Variants in STK32A observed in about 807,000 individuals in gnomAD.
STK32A encodes serine/threonine kinase 32A.
In STK32A, 41 loss-of-function variants were observed where a neutral mutation model predicts 53.2. That is an observed-to-expected ratio of 0.77 (90% CI 0.60 to 1.00). The LOEUF (loss-of-function observed/expected upper bound fraction) is 1.00. Among genes scored for constraint, STK32A ranks in the 50% least tolerant of loss-of-function variants. The pLI is 0.00. For synonymous variants in STK32A, 166 were observed against 162.8 expected, an observed-to-expected ratio of 1.02 and a Z score of -0.15; for missense variants, 458 against 485.8, an observed-to-expected ratio of 0.94 and a Z score of 0.54.
At chr5:147,300,676 A>T (rs1753087971) in intron 4 of STK32A, among the ~76,000 whole-genome samples, 1 of 152,166 alleles carries the variant, frequency 6.6e-6, no homozygotes, top group Admixed American at 6.5e-5. Context: ...TCATATAATC[A>T]TATGCACTTC....
intron 4 of STK32A, among the ~76,000 whole-genome samples, chr5:147,313,293 C>T (rs1047404001): frequency 1.3e-5 from 2 of 152,078 alleles, no homozygotes; most frequent in African/African-American, 2.4e-5. Context: ...GAGTTTTTCA[C>T]TGTTGCACTA....
chr5:147,352,821 C>G (rs533394535), intron 7 of STK32A, among the ~76,000 whole-genome samples: 11 of 152,174 alleles, frequency 7.2e-5, no homozygotes, highest in African/African-American at 2.6e-4. Context: ...GACAGGTATG[C>G]AGTGAATGTG....
chr5:147,363,544 T>C (rs1287248183), intron 8 of STK32A, among the ~76,000 whole-genome samples: 1 of 152,198 alleles, frequency 6.6e-6, no homozygotes, highest in Non-Finnish European at 1.5e-5. Context: ...GCCCTGATGA[T>C]CTGTGAATCG....
chr5:147,355,664 C>A (rs1476676917), intron 7 of STK32A, among the ~76,000 whole-genome samples: 1 of 150,948 alleles, frequency 6.6e-6, no homozygotes, highest in African/African-American at 2.4e-5. Flanking sequence ...GGCGACAGAG[C>A]GAGATTCCGT....
At chr5:147,241,250 G>T (rs574172161) in intron 2 of STK32A, among the ~76,000 whole-genome samples, 1 of 152,124 alleles carries the variant, frequency 6.6e-6, no homozygotes, top group Non-Finnish European at 1.5e-5. Flanking sequence ...AGGCCGAGGC[G>T]GGCGGATCAC....
At position 147,299,456 on chromosome 5, in the gene STK32A, C is replaced by T. The variant is rs540089292; in HGVS notation, c.260+20058C>T. 2.0e-5 allele frequency among the ~76,000 whole-genome samples: 3 copies of T among 152,248 alleles called. No homozygotes were observed. In the South Asian group the frequency reaches 6.2e-4, roughly 32 times the overall value. On this transcript the variant is annotated intron_variant, in intron 4 of 12. Coordinates refer to ENST00000397936, the MANE Select transcript of STK32A (RefSeq NM_001112724.2). ...GCCTTAACTGTCTGGAAATGCAGCT[C>T]AGTAGGTTTCAGCCTCATTTTACCC...
rs540698194 is a variant in STK32A at position 147,247,857 on chromosome 5, C to T, written c.52+8171C>T. 5.9e-5 allele frequency among the ~76,000 whole-genome samples: 9 copies of T among 152,232 alleles called. No homozygotes were observed. In the East Asian group the frequency reaches 1.5e-3, roughly 26 times the overall value. ...TAAAAATTGGCCGGGCATGGTGGCT[C>T]ATGCCTGTAATCCCAGCACTTTGGG... is the stretch of plus-strand genomic sequence containing the variant. On this transcript the variant is annotated intron_variant, in intron 2 of 12. Transcript: ENST00000397936.
In STK32A at chr5:147,384,305, C is replaced by A. The variant is rs908825542; in HGVS notation, c.*322C>A. 6.4e-6 allele frequency: 9 copies of A among 1,395,728 alleles called. No individual in the cohort carries two copies. The highest frequency in any genetic ancestry group is 6.0e-5 in the South Asian group (4 of 66,382). 86.5% of individuals were successfully genotyped at this position (1,395,728 alleles called of 1,614,324 possible). Reference sequence around the variant, plus strand: ...TAGTGCTATAGTTGTTATTCTAAACCGCCTTTATTTTTATTTTAAAATTAA... The same window carrying A: ...TAGTGCTATAGTTGTTATTCTAAACAGCCTTTATTTTTATTTTAAAATTAA... On this transcript the variant is annotated 3_prime_UTR_variant, in exon 13 of 13. Coordinates refer to ENST00000397936, the MANE Select transcript of STK32A (RefSeq NM_001112724.2).
rs530216320 is a variant in STK32A, at chr5:147,296,158, C to T, written c.260+16760C>T. Reference sequence around the variant, plus strand: ...GCAGTGAATCTGTATGTGTCTGCAGCAACTTCAATTCTTGCCTACTCTCAA... The same window carrying T: ...GCAGTGAATCTGTATGTGTCTGCAGTAACTTCAATTCTTGCCTACTCTCAA... On this transcript the variant is annotated intron_variant, in intron 4 of 12. Transcript: ENST00000397936. Among the ~76,000 whole-genome samples the T allele has an allele frequency of 2.6e-5, 4 of 152,312 alleles. No homozygotes were observed. The South Asian group carries it at 6.2e-4, about 24-fold the overall frequency.
At chr5:147,279,989 C>G (rs926018708) in intron 4 of STK32A, among the ~76,000 whole-genome samples, 1 of 152,124 alleles carries the variant, frequency 6.6e-6, no homozygotes, top group Non-Finnish European at 1.5e-5. Flanking sequence ...CAAACACACA[C>G]CCCCACTGGA....
chr5:147,328,154 A>G (rs1455239600), intron 5 of STK32A, among the ~76,000 whole-genome samples: 1 of 152,236 alleles, frequency 6.6e-6, no homozygotes, highest in Non-Finnish European at 1.5e-5. Context: ...TTAACAGCCA[A>G]AGCACACAGC....
At chr5:147,321,433 A>T (rs955818395) in intron 4 of STK32A, among the ~76,000 whole-genome samples, 1 of 152,228 alleles carries the variant, frequency 6.6e-6, no homozygotes, top group Non-Finnish European at 1.5e-5. Flanking sequence ...GATGTGCCAA[A>T]GGAGAAAGAT....
At position 147,367,252 on chromosome 5, in the gene STK32A, G is replaced by T. The variant is rs1756795987; in HGVS notation, c.661-3402G>T. 9.2e-5 allele frequency among the ~76,000 whole-genome samples: 14 copies of T among 152,120 alleles called. No individual in the cohort carries two copies. The South Asian group carries it at 2.9e-3, about 32-fold the overall frequency. On this transcript the variant is annotated intron_variant, in intron 8 of 12. Coordinates refer to ENST00000397936, the MANE Select transcript of STK32A (RefSeq NM_001112724.2). ...GGAAATTTTTTGTATTTTTTGTAGA[G>T]TTGGGGTCTTACCATGTTGCCCAGG...
chr5:147,254,778 A>G (rs958296432), intron 2 of STK32A, among the ~76,000 whole-genome samples: 2 of 152,266 alleles, frequency 1.3e-5, no homozygotes, highest in South Asian at 2.1e-4. Flanking sequence ...GTTAGGGTGG[A>G]GCAGGTGATC....
chr5:147,264,279 A>T (rs1234219855), intron 2 of STK32A, among the ~76,000 whole-genome samples: 1 of 152,196 alleles, frequency 6.6e-6, no homozygotes, highest in African/African-American at 2.4e-5. Flanking sequence ...CCCCAGGGTG[A>T]TGGTGAAGGG....
intron 11 of STK32A, among the ~76,000 whole-genome samples, chr5:147,380,996 C>T (rs998489223): frequency 6.6e-6 from 1 of 151,992 alleles, no homozygotes; most frequent in Admixed American, 6.6e-5. Flanking sequence ...TTACACGTAC[C>T]GAGAGCTTTA....
intron 2 of STK32A, among the ~76,000 whole-genome samples, chr5:147,259,370 TC>T (rs1754390759): frequency 6.6e-6 from 1 of 152,158 alleles, no homozygotes; most frequent in African/African-American, 2.4e-5. Context: ...ATTCGGGCCA[TC>T]CGCGGGTTAC....
intron 5 of STK32A, among the ~76,000 whole-genome samples, chr5:147,336,621 G>A (rs946354881): frequency 8.5e-5 from 13 of 152,108 alleles, no homozygotes; most frequent in African/African-American, 2.9e-4. Context: ...GAGTGACTGG[G>A]ATTACAACCA....
intron 8 of STK32A, among the ~76,000 whole-genome samples, chr5:147,369,112 T>C (rs1047098467): frequency 6.6e-6 from 1 of 152,138 alleles, no homozygotes; most frequent in African/African-American, 2.4e-5. Flanking sequence ...TTTACTGATA[T>C]TGAGTTAATG....
Sources: gnomAD v4.1 joint callset for allele counts (sites outside exome capture counted in the v4.1 genomes callset) on GRCh38, gnomAD v4.1.1 for gene constraint, MANE v1.5 for transcripts, NCBI Gene and HGNC (gene_info 2026-07-23, HGNC 2026-07-21) for gene names.